Variants in TSPAN11 observed in about 807,000 individuals in gnomAD.
TSPAN11 encodes the protein tetraspanin 11.
A neutral mutation model predicts 32.9 loss-of-function variants in TSPAN11; 29 were observed. That is an observed-to-expected ratio of 0.88 (90% CI 0.66 to 1.20). The LOEUF is 1.20. TSPAN11 is among the 50% of genes most tolerant of loss of function. The pLI is 0.00. For synonymous variants in TSPAN11, 140 were observed against 141.3 expected, an observed-to-expected ratio of 0.99 and a Z score of 0.07; for missense variants, 283 against 329.1, an observed-to-expected ratio of 0.86 and a Z score of 1.08.
At chr12:31,000,824 C>T (rs1939471020), downstream of TSPAN11, among the ~76,000 whole-genome samples, 1 of 152,194 alleles carries the variant, frequency 6.6e-6, no homozygotes, top group South Asian at 2.1e-4. Context: ...AGCACTGAGC[C>T]CAGAAAATCC....
intron 1 of TSPAN11, among the ~76,000 whole-genome samples, chr12:30,943,491 AATGTTT>A (rs1427068584): frequency 2.0e-5 from 3 of 152,184 alleles, no homozygotes; most frequent in African/African-American, 7.2e-5. Context: ...GCATTTAGTA[AATGTTT>A]ATGTTTATAA....
At chr12:30,951,355 A>C (rs1164629113) in intron 1 of TSPAN11, among the ~76,000 whole-genome samples, 1 of 152,188 alleles carries the variant, frequency 6.6e-6, no homozygotes, top group Non-Finnish European at 1.5e-5. Flanking sequence ...TATTCTAACA[A>C]ATATTCTAAC....
At chr12:30,970,484 T>A (rs1380799464) in intron 3 of TSPAN11, among the ~76,000 whole-genome samples, 1 of 152,208 alleles carries the variant, frequency 6.6e-6, no homozygotes, top group Non-Finnish European at 1.5e-5. Flanking sequence ...CCACATTTTC[T>A]TGATGTGCCT....
chr12:30,936,006 ATGCCAGCTCTGGTT>A (rs1245042978), intron 1 of TSPAN11, among the ~76,000 whole-genome samples: 6 of 152,210 alleles, frequency 3.9e-5, no homozygotes, highest in African/African-American at 1.4e-4. Flanking sequence ...TTATTCCCTA[ATGCCAGCTCTGGTT>A]TATAACCTGC....
intron 7 of TSPAN11, among the ~76,000 whole-genome samples, chr12:30,985,123 A>T (rs1003388077): frequency 6.6e-6 from 1 of 152,046 alleles, no homozygotes; most frequent in Non-Finnish European, 1.5e-5. Context: ...CTGCAGCCTA[A>T]CACACTGGGA....
Position 30,992,939 on chromosome 12 carries a change from G to A in TSPAN11, c.*1024G>A, listed in dbSNP as rs1210582015. The A allele has an allele frequency of 6.6e-6, 1 of 152,220 alleles. No individual in the cohort carries two copies. Among genetic ancestry groups the A allele is most frequent in the African/African-American group, 2.4e-5 (1 of 41,436 alleles). 9.4% of individuals were successfully genotyped at this position (152,220 alleles called of 1,614,324 possible). A position where few individuals can be genotyped will look rare whatever the true frequency, so the allele number is the denominator to read the frequency against. On this transcript the variant is annotated 3_prime_UTR_variant, in exon 8 of 8. Coordinates refer to ENST00000546076, the MANE Select transcript of TSPAN11 (RefSeq NM_001370302.1). ...TCCAGCTCTGCTTCCCTTCCCACCT[G>A]TCCTAGAGTGGACAGAGCTTTTTCC...
intron 1 of TSPAN11, among the ~76,000 whole-genome samples, chr12:30,936,498 A>G (rs1465788774): frequency 2.0e-5 from 3 of 152,176 alleles, no homozygotes; most frequent in Non-Finnish European, 2.9e-5. Context: ...CACCCCTACA[A>G]TGATAAATGA....
chr12:30,963,408 G>A (rs955618533), intron 2 of TSPAN11, among the ~76,000 whole-genome samples: 2 of 152,256 alleles, frequency 1.3e-5, no homozygotes, highest in African/African-American at 4.8e-5. Context: ...GCCCCACCAG[G>A]GAAGTGCGGA....
At chr12:30,942,260 T>A (rs1028262313) in intron 1 of TSPAN11, among the ~76,000 whole-genome samples, 1 of 152,190 alleles carries the variant, frequency 6.6e-6, no homozygotes, top group Admixed American at 6.5e-5. Flanking sequence ...TTACAAATCC[T>A]CCATCCCATT....
intron 3 of TSPAN11, among the ~76,000 whole-genome samples, chr12:30,965,030 A>G (rs1488593566): frequency 2.0e-5 from 3 of 152,216 alleles, no homozygotes; most frequent in Non-Finnish European, 4.4e-5. Context: ...AGGTCGGTCA[A>G]CTGAGGTCCT....
intron 1 of TSPAN11, among the ~76,000 whole-genome samples, chr12:30,941,968 T>C (rs186585556): frequency 3.3e-5 from 5 of 152,360 alleles, no homozygotes; most frequent in African/African-American, 1.2e-4. Context: ...TTTGTTAAAC[T>C]GAGGTCTTGG....
chr12:30,972,337 C>G (rs886534515), intron 3 of TSPAN11, among the ~76,000 whole-genome samples: 4 of 152,036 alleles, frequency 2.6e-5, no homozygotes, highest in African/African-American at 9.7e-5. Flanking sequence ...TCCCAGGGAG[C>G]GAGACAAGCA....
chr12:30,970,489 G>A (rs1484699655), intron 3 of TSPAN11, among the ~76,000 whole-genome samples: 4 of 152,178 alleles, frequency 2.6e-5, no homozygotes, highest in Admixed American at 2.6e-4. Flanking sequence ...TTTTCTTGAT[G>A]TGCCTCTAGA....
chr12:30,958,888 C>A (rs1938553336), intron 2 of TSPAN11, among the ~76,000 whole-genome samples: 1 of 152,068 alleles, frequency 6.6e-6, no homozygotes, highest in African/African-American at 2.4e-5. Context: ...ATGAGAGTAA[C>A]CAAGCATCAG....
intron 2 of TSPAN11, among the ~76,000 whole-genome samples, chr12:30,956,986 G>T (rs565581522): frequency 8.7e-4 from 133 of 152,370 alleles, no homozygotes; most frequent in African/African-American, 3.1e-3. Flanking sequence ...GCTAAGACAG[G>T]TGGCAGAGAA....
intron 3 of TSPAN11, among the ~76,000 whole-genome samples, chr12:30,974,780 T>A (rs1231764037): frequency 6.6e-6 from 1 of 152,150 alleles, no homozygotes; most frequent in East Asian, 1.9e-4. Flanking sequence ...GTTGTGTCAC[T>A]CATCCGGTGA....
At chr12:30,947,219 A>C (rs1025862243) in intron 1 of TSPAN11, among the ~76,000 whole-genome samples, 1 of 152,200 alleles carries the variant, frequency 6.6e-6, no homozygotes, top group African/African-American at 2.4e-5. Context: ...TGTGGGGTAC[A>C]ACAAGGTCCT....
At chr12:30,966,136 G>A (rs1938727845) in intron 3 of TSPAN11, among the ~76,000 whole-genome samples, 1 of 152,038 alleles carries the variant, frequency 6.6e-6, no homozygotes, top group Non-Finnish European at 1.5e-5. Flanking sequence ...ACAACAGGAG[G>A]TGGGGGTCAC....
intron 7 of TSPAN11, chr12:30,988,600 CA>C (rs531510996): frequency 1.0e-4 from 15 of 149,176 alleles, no homozygotes; most frequent in South Asian, 4.3e-4. Flanking sequence ...AAAAACAAAA[CA>C]AAAAAAAAAC....
Sources: allele counts gnomAD v4.1 joint callset (sites outside exome capture counted in the v4.1 genomes callset), GRCh38; gene constraint gnomAD v4.1.1; transcripts MANE v1.5; gene names NCBI Gene and HGNC (gene_info 2026-07-23, HGNC 2026-07-21).